The following CSMD1 variants were observed in gnomAD, a reference collection of about 807,000 sequenced individuals.
CSMD1 encodes CUB and Sushi multiple domains 1, also known as CUB and sushi domain-containing protein 1.
Under a neutral mutation model 417.5 loss-of-function variants are expected in CSMD1, and 213 were observed. That is an observed-to-expected ratio of 0.51 (90% CI 0.46 to 0.57). The LOEUF is 0.57. Ranked by LOEUF, CSMD1 falls within the 20% of genes least tolerant of loss-of-function variation. CSMD1 has a pLI of 0.00. For missense variants in CSMD1, 6,923 were observed against 4,529.7 expected (o/e 1.53, Z -15.17); for synonymous variants, 2,862 against 1,736.8 (o/e 1.65, Z -16.11).
At chr8:3,553,260 G>T (rs1423210370) in intron 10 of CSMD1, among the ~76,000 whole-genome samples, 1 of 152,130 alleles carries the variant, frequency 6.6e-6, no homozygotes, top group African/African-American at 2.4e-5. Flanking sequence ...GCCATAGTTC[G>T]GAGCTGCAGG....
intron 5 of CSMD1, among the ~76,000 whole-genome samples, chr8:3,813,944 T>TGA (rs1202815005): frequency 6.6e-6 from 1 of 152,216 alleles, no homozygotes; most frequent in African/African-American, 2.4e-5. Context: ...GAGTCTTTTC[T>TGA]GAGAAATGTA....
chr8:4,909,268 T>C (rs1459308078), intron 1 of CSMD1, among the ~76,000 whole-genome samples: 1 of 152,166 alleles, frequency 6.6e-6, no homozygotes, highest in Non-Finnish European at 1.5e-5. Context: ...AGTCTTTTAG[T>C]GATCCTGTGT....
intron 1 of CSMD1, among the ~76,000 whole-genome samples, chr8:4,871,107 G>C (rs958862540): frequency 1.3e-5 from 2 of 152,148 alleles, no homozygotes. Flanking sequence ...GGAGGCAGTA[G>C]CTGGGGCTGG....
chr8:2,980,828 A>C (rs1325200525), intron 54 of CSMD1, among the ~76,000 whole-genome samples: 3 of 152,228 alleles, frequency 2.0e-5, no homozygotes, highest in African/African-American at 7.2e-5. Flanking sequence ...GATGTGTATT[A>C]AAATGCTAAG....
At position 4,874,388 on chromosome 8, in the gene CSMD1, A is replaced by ATTTTTTTTTTTTTTTTTT. The variant is rs3038302; in HGVS notation, c.85+119943_85+119944insAAAAAAAAAAAAAAAAAA. On this transcript the variant is annotated intron_variant, in intron 1 of 69. Transcript: ENST00000635120. Reference sequence around the variant, plus strand: ...GGAGGAGATCTTTCAATCCGATTGTATTTTTTTTTTTTTTTTTCTGAGACG... The same window carrying ATTTTTTTTTTTTTTTTTT: ...GGAGGAGATCTTTCAATCCGATTGTATTTTTTTTTTTTTTTTTTTTTTTTTTTTTTTTTTTCTGAGACG... 1.5e-5 allele frequency among the ~76,000 whole-genome samples: 2 copies of ATTTTTTTTTTTTTTTTTT among 133,526 alleles called. 1 individual carries two copies. 87.6% of individuals were successfully genotyped at this position (133,526 alleles called of 152,430 possible).
intron 12 of CSMD1, among the ~76,000 whole-genome samples, chr8:3,445,580 A>G (rs1057417246): frequency 3.3e-5 from 5 of 152,166 alleles, no homozygotes; most frequent in African/African-American, 1.2e-4. Flanking sequence ...CGGATGATGA[A>G]TCAGTGCATC....
At position 3,428,996 on chromosome 8, in the gene CSMD1, T is replaced by A. The variant is rs1447355; in HGVS notation, c.1562-19391A>T. ...GGAGAACCTCAGAAAACTGATCTCA[T>A]TGGAGCAGAGGATGGAATGGTGGTT... On this transcript the variant is annotated intron_variant, in intron 12 of 69. Coordinates refer to ENST00000635120, the MANE Select transcript of CSMD1 (RefSeq NM_033225.6). Among the ~76,000 whole-genome samples, 4 of 152,000 alleles carry A rather than the reference T, an allele frequency of 2.6e-5. No homozygotes were observed. In the East Asian group the frequency reaches 7.7e-4, roughly 29 times the overall value.
intron 6 of CSMD1, among the ~76,000 whole-genome samples, chr8:3,730,222 T>C (rs1208308138): frequency 6.6e-6 from 1 of 152,042 alleles, no homozygotes; most frequent in Non-Finnish European, 1.5e-5. Context: ...CCAGTTTGAT[T>C]CCCCATATGG....
intron 2 of CSMD1, among the ~76,000 whole-genome samples, chr8:4,508,624 A>C (rs1465088540): frequency 1.3e-5 from 2 of 152,134 alleles, no homozygotes; most frequent in Non-Finnish European, 2.9e-5. Flanking sequence ...AGATTGGAAG[A>C]TGTTTCCTCC....
chr8:3,909,147 G>C (rs1808293593), intron 5 of CSMD1, among the ~76,000 whole-genome samples: 2 of 152,304 alleles, frequency 1.3e-5, no homozygotes, highest in South Asian at 4.1e-4. Context: ...AGTGGATCGT[G>C]ATTGGTCCTT....
At position 3,898,855 on chromosome 8, in the gene CSMD1, G is replaced by T. The variant is rs768894198; in HGVS notation, c.818+99048C>A. On this transcript the variant is annotated intron_variant, in intron 5 of 69. Coordinates refer to ENST00000635120, the MANE Select transcript of CSMD1 (RefSeq NM_033225.6). The stretch of plus-strand genomic sequence containing the variant: ...TTTATTGATTTCTCAGGACATAGCT[G>T]ATAGCCCCAATACTCTGTTGGTCCC... Among the ~76,000 whole-genome samples, 3 of 152,222 alleles carry T rather than the reference G, an allele frequency of 2.0e-5. No homozygotes were observed. The South Asian group carries it at 6.2e-4, about 32-fold the overall frequency.
At chr8:3,926,720 T>TTG (rs1809756081) in intron 5 of CSMD1, among the ~76,000 whole-genome samples, 1 of 143,410 alleles carries the variant, frequency 7.0e-6, no homozygotes, top group Admixed American at 7.0e-5. Flanking sequence ...ACACCTTTTT[T>TTG]TTTTTTTTTT....
intron 2 of CSMD1, among the ~76,000 whole-genome samples, chr8:4,574,174 A>AC (rs1032255098): frequency 6.6e-6 from 1 of 151,012 alleles, no homozygotes; most frequent in Admixed American, 6.6e-5. Flanking sequence ...GGGGTCCAAA[A>AC]AAAACCTCTT....
intron 3 of CSMD1, among the ~76,000 whole-genome samples, chr8:4,331,730 T>G (rs1360654382): frequency 6.6e-6 from 1 of 152,164 alleles, no homozygotes; most frequent in African/African-American, 2.4e-5. Context: ...CACAATGACC[T>G]TTCTAAATAT....
chr8:4,694,826 C>A (rs537095461), intron 1 of CSMD1, among the ~76,000 whole-genome samples: 1 of 152,128 alleles, frequency 6.6e-6, no homozygotes, highest in Non-Finnish European at 1.5e-5. Context: ...CTAAATTGAC[C>A]GAGACCTGTC....
At chr8:3,730,105 G>C (rs912280988) in intron 6 of CSMD1, among the ~76,000 whole-genome samples, 31 of 152,156 alleles carry the variant, frequency 2.0e-4, no homozygotes, top group African/African-American at 5.5e-4. Context: ...TTTCCCGTTT[G>C]CAAAAGTAAA....
chr8:3,637,410 T>G (rs564038499), intron 7 of CSMD1, among the ~76,000 whole-genome samples: 54 of 152,288 alleles, frequency 3.5e-4, no homozygotes, highest in African/African-American at 1.2e-3. Flanking sequence ...TTAACTTAAA[T>G]AAATTAAATA....
intron 3 of CSMD1, among the ~76,000 whole-genome samples, chr8:4,331,167 A>C (rs187942369): frequency 6.6e-6 from 1 of 152,298 alleles, no homozygotes; most frequent in African/African-American, 2.4e-5. Flanking sequence ...TATTTGCCTG[A>C]TAAGAATAAA....
intron 2 of CSMD1, among the ~76,000 whole-genome samples, chr8:4,632,092 A>G (rs1330588394): frequency 2.6e-5 from 4 of 152,232 alleles, no homozygotes; most frequent in Non-Finnish European, 5.9e-5. Flanking sequence ...TGTACCAATT[A>G]TCAGTCACCA....
Sources: allele counts gnomAD v4.1 joint callset (sites outside exome capture counted in the v4.1 genomes callset), GRCh38; gene constraint gnomAD v4.1.1; transcripts MANE v1.5; gene names NCBI Gene and HGNC (gene_info 2026-07-23, HGNC 2026-07-21).